Variants in BCAS3 observed in about 807,000 individuals in gnomAD.
BCAS3 encodes the protein BCAS4/BCAS3 fusion.
BCAS3 carries 53 observed loss-of-function variants against 116.1 expected under a neutral mutation model. That is an observed-to-expected ratio of 0.46 (90% CI 0.37 to 0.57). The LOEUF is 0.57. Ranked by LOEUF, BCAS3 falls within the 20% of genes least tolerant of loss-of-function variation. BCAS3 has a pLI of 0.00. For synonymous variants in BCAS3, 391 were observed against 408.2 expected (o/e 0.96, Z 0.51); for missense variants, 917 against 1,165.4 (o/e 0.79, Z 3.10).
intron 22 of BCAS3, among the ~76,000 whole-genome samples, chr17:61,335,884 G>A (rs2056680438): frequency 6.6e-6 from 1 of 152,252 alleles, no homozygotes; most frequent in Non-Finnish European, 1.5e-5. Context: ...CTGAGCTGGA[G>A]AGTGGGCACC....
intron 2 of BCAS3, among the ~76,000 whole-genome samples, chr17:60,682,924 TA>T (rs1369071842): frequency 2.6e-5 from 4 of 152,294 alleles, no homozygotes; most frequent in African/African-American, 9.6e-5. Flanking sequence ...TTAACAGTGT[TA>T]TTTTTTTCCC....
In BCAS3 at chr17:60,865,828, C is replaced by G. The variant is rs536448516; in HGVS notation, c.477-2748C>G. 3.3e-5 allele frequency among the ~76,000 whole-genome samples: 5 copies of G among 152,234 alleles called. No individual in the cohort carries two copies. In the East Asian group the frequency reaches 7.7e-4, roughly 24 times the overall value. ...AAGTGATAAAAGCAGACAATTTTGC[C>G]TCGTTCTTGACCTTATGGGGAAGGT... On this transcript the variant is annotated intron_variant, in intron 7 of 23. Transcript: ENST00000407086.
At chr17:60,807,603 G>A (rs1438414255) in intron 6 of BCAS3, among the ~76,000 whole-genome samples, 2 of 152,038 alleles carry the variant, frequency 1.3e-5, no homozygotes, top group South Asian at 2.1e-4. Flanking sequence ...CCAACATGGC[G>A]AAACCCTGTC....
At chr17:60,978,052 T>C (rs1361658139) in intron 14 of BCAS3, among the ~76,000 whole-genome samples, 1 of 132,820 alleles carries the variant, frequency 7.5e-6, no homozygotes, top group Non-Finnish European at 1.5e-5. Flanking sequence ...GTATTTCTAG[T>C]TCTAGATCCC....
chr17:61,101,026 T>C (rs1298026971), intron 22 of BCAS3, among the ~76,000 whole-genome samples: 4 of 152,096 alleles, frequency 2.6e-5, no homozygotes, highest in Non-Finnish European at 5.9e-5. Flanking sequence ...TTGATTTCAT[T>C]CATATAATCA....
chr17:60,869,307 A>G (rs1263090549), intron 8 of BCAS3, among the ~76,000 whole-genome samples: 1 of 152,234 alleles, frequency 6.6e-6, no homozygotes, highest in African/African-American at 2.4e-5. Flanking sequence ...GGAATCTTCT[A>G]TCACTCAGCA....
intron 11 of BCAS3, among the ~76,000 whole-genome samples, chr17:60,904,072 G>A (rs1344527639): frequency 6.6e-6 from 1 of 152,130 alleles, no homozygotes; most frequent in African/African-American, 2.4e-5. Context: ...ATGTTTTGCT[G>A]TGGACATGCT....
intron 6 of BCAS3, among the ~76,000 whole-genome samples, chr17:60,763,679 A>C (rs2043784791): frequency 6.6e-6 from 1 of 152,158 alleles, no homozygotes; most frequent in African/African-American, 2.4e-5. Flanking sequence ...TGTCTCTGCC[A>C]GGCTTTGGTA....
chr17:61,116,938 A>G (rs956729524), intron 22 of BCAS3, among the ~76,000 whole-genome samples: 2 of 152,078 alleles, frequency 1.3e-5, no homozygotes, highest in Admixed American at 6.5e-5. Flanking sequence ...TTTCATTTTC[A>G]GAAGTTTACC....
At position 61,258,527 on chromosome 17, in the gene BCAS3, C is replaced by T. The variant is rs1319771760; in HGVS notation, c.2426-109800C>T. 6.6e-6 allele frequency among the ~76,000 whole-genome samples: 1 copy of T among 152,206 alleles called. No homozygotes were observed. Among genetic ancestry groups the T allele is most frequent in the African/African-American group, 2.4e-5 (1 of 41,446 alleles). ...AAAATGTGAATAATCATACCTACTT[C>T]ATGGTATCGTTGTGTGGATTAAATG... On this transcript the variant is annotated intron_variant, in intron 22 of 23. Coordinates refer to ENST00000407086, the MANE Select transcript of BCAS3 (RefSeq NM_017679.5). This position sits in a 1 kb window ranked among gnomAD's most constrained non-coding sequence, Gnocchi z 4.7.
intron 22 of BCAS3, among the ~76,000 whole-genome samples, chr17:61,127,752 T>A (rs963269206): frequency 4.0e-5 from 6 of 149,604 alleles, no homozygotes; most frequent in Non-Finnish European, 8.9e-5. Context: ...AACTGTATGC[T>A]TGAAAATTAC....
In BCAS3 at chr17:61,344,992, C is replaced by T. The variant is rs72834646; in HGVS notation, c.2426-23335C>T. On this transcript the variant is annotated intron_variant, in intron 22 of 23. Coordinates refer to ENST00000407086, the MANE Select transcript of BCAS3 (RefSeq NM_017679.5). The surrounding 1 kb of genome is among the most constrained non-coding windows in gnomAD (Gnocchi z 4.1). The stretch of plus-strand genomic sequence containing the variant: ...AATAGCCACTCTGTCCCTTCTCATG[C>T]GGAGGAAGCACAGGGTAATCTGGAT... Among the ~76,000 whole-genome samples, 3 of 152,094 alleles carry T rather than the reference C, an allele frequency of 2.0e-5. No individual in the cohort carries two copies. Among genetic ancestry groups the T allele is most frequent in the Non-Finnish European group, 4.4e-5 (3 of 68,016 alleles).
intron 8 of BCAS3, among the ~76,000 whole-genome samples, chr17:60,873,489 TA>T (rs1263086143): frequency 1.3e-5 from 2 of 152,220 alleles, no homozygotes; most frequent in African/African-American, 4.8e-5. Context: ...TTATAATCTC[TA>T]TTTGATTTTT....
intron 22 of BCAS3, among the ~76,000 whole-genome samples, chr17:61,237,253 G>A (rs987832493): frequency 3.3e-5 from 5 of 152,134 alleles, no homozygotes; most frequent in Admixed American, 6.6e-5. Context: ...GCAAAGGATT[G>A]TAAAATGCAC....
In BCAS3 at chr17:61,140,134, G is replaced by A. The variant is rs2076841045; in HGVS notation, c.2425+55570G>A. 6.6e-6 allele frequency among the ~76,000 whole-genome samples: 1 copy of A among 152,176 alleles called. No homozygotes were observed. The highest frequency in any genetic ancestry group is 6.5e-5 in the Admixed American group (1 of 15,280). ...TTCCTGTAAACCCAGCTACTCAGGAGGCTGAGGCAGGAGAATCACTGGAAC... is the reference window on the plus strand; with the variant it reads ...TTCCTGTAAACCCAGCTACTCAGGAAGCTGAGGCAGGAGAATCACTGGAAC... On this transcript the variant is annotated intron_variant, in intron 22 of 23. Coordinates refer to ENST00000407086, the MANE Select transcript of BCAS3 (RefSeq NM_017679.5). This position sits in a 1 kb window ranked among gnomAD's most constrained non-coding sequence, Gnocchi z 4.2.
At chr17:61,150,417 G>A (rs1287093226) in intron 22 of BCAS3, among the ~76,000 whole-genome samples, 1 of 152,172 alleles carries the variant, frequency 6.6e-6, no homozygotes, top group African/African-American at 2.4e-5. Context: ...GAATAGGTAA[G>A]CTTATTTATG....
At position 61,227,907 on chromosome 17, in the gene BCAS3, C is replaced by CA. The variant is rs2082452519; in HGVS notation, c.2426-140419dup. On this transcript the variant is annotated intron_variant, in intron 22 of 23. Coordinates refer to ENST00000407086, the MANE Select transcript of BCAS3 (RefSeq NM_017679.5). This position sits in a 1 kb window ranked among gnomAD's most constrained non-coding sequence, Gnocchi z 6.1. ...AGAATAGGTGATGCAGTGGGGTTGG[C>CA]AGCACTTTTCCTATTACTTGGGAGT... Among the ~76,000 whole-genome samples, 4 of 152,132 alleles carry CA rather than the reference C, an allele frequency of 2.6e-5. No individual in the cohort carries two copies. Among genetic ancestry groups the CA allele is most frequent in the Admixed American group, 2.0e-4 (3 of 15,268 alleles).
At position 60,956,396 on chromosome 17, in the gene BCAS3, G is replaced by A. The variant is rs2061135335; in HGVS notation, c.1221+9044G>A. On this transcript the variant is annotated intron_variant, in intron 14 of 23. Coordinates refer to ENST00000407086, the MANE Select transcript of BCAS3 (RefSeq NM_017679.5). The surrounding 1 kb of genome is among the most constrained non-coding windows in gnomAD (Gnocchi z 4.2). ...GAGTTAATATTTCACTGTGCTGCTG[G>A]GCACATTTTATTTCTTACCTCTTTT... Among the ~76,000 whole-genome samples, 1 of 152,038 alleles carries A rather than the reference G, an allele frequency of 6.6e-6. No individual in the cohort carries two copies. The highest frequency in any genetic ancestry group is 2.4e-5 in the African/African-American group (1 of 41,378).
chr17:61,164,527 C>A (rs954333358), intron 22 of BCAS3, among the ~76,000 whole-genome samples: 4 of 152,058 alleles, frequency 2.6e-5, no homozygotes, highest in African/African-American at 9.7e-5. Context: ...GGGTTCCACC[C>A]CCATGAATGA....
Sources: allele counts gnomAD v4.1 joint callset (sites outside exome capture counted in the v4.1 genomes callset), GRCh38; gene constraint gnomAD v4.1.1; non-coding constraint Gnocchi (gnomAD v3.1); transcripts MANE v1.5; gene names NCBI Gene and HGNC (gene_info 2026-07-23, HGNC 2026-07-21).